Variants in TLK1 observed in about 807,000 individuals in gnomAD.
TLK1 encodes the protein serine/threonine-protein kinase tousled-like 1.
TLK1 carries 24 observed loss-of-function variants against 105.3 expected under a neutral mutation model. The observed-to-expected ratio is 0.23, with a 90% CI of 0.17 to 0.32. The LOEUF (loss-of-function observed/expected upper bound fraction) is 0.32, where lower values mean the gene tolerates loss of function less well. TLK1 is among the 10% of genes least tolerant of loss of function. The pLI is 1.00. For missense variants in TLK1, 558 were observed against 910.5 expected, an observed-to-expected ratio of 0.61 and a Z score of 4.98; for synonymous variants, 321 against 310.4, an observed-to-expected ratio of 1.03 and a Z score of -0.36.
chr2:171,193,700 A>ATTT (rs35175399), intron 1 of TLK1, among the ~76,000 whole-genome samples: 44 of 64,620 alleles, frequency 6.8e-4, no homozygotes, highest in East Asian at 1.7e-3. Context: ...AGCGCCTGGC[A>ATTT]TTTTTTTTTT....
At chr2:171,101,240 G>A (rs1044962090) in intron 2 of TLK1, among the ~76,000 whole-genome samples, 1 of 150,862 alleles carries the variant, frequency 6.6e-6, no homozygotes, top group African/African-American at 2.4e-5. Flanking sequence ...CAGCTACTCA[G>A]GAGGCTGAGG....
intron 1 of TLK1, among the ~76,000 whole-genome samples, chr2:171,158,114 C>T (rs1162677898): frequency 6.6e-6 from 1 of 152,180 alleles, no homozygotes; most frequent in Non-Finnish European, 1.5e-5. Context: ...GCTTCATATT[C>T]CTGTTAGCGT....
chr2:170,998,112 C>G (rs1175521949), intron 18 of TLK1, among the ~76,000 whole-genome samples: 7 of 151,598 alleles, frequency 4.6e-5, no homozygotes, highest in Non-Finnish European at 1.5e-5. Flanking sequence ...CTACCTACCA[C>G]CTACCTACCT....
intron 12 of TLK1, among the ~76,000 whole-genome samples, chr2:171,016,205 G>A (rs960311631): frequency 1.3e-5 from 2 of 152,168 alleles, no homozygotes; most frequent in Admixed American, 1.3e-4. Flanking sequence ...GCAGTGGCAT[G>A]ATCACAGTTC....
chr2:171,034,556 C>T (rs993496667), intron 11 of TLK1, among the ~76,000 whole-genome samples: 4 of 151,878 alleles, frequency 2.6e-5, no homozygotes, highest in Admixed American at 1.3e-4. Flanking sequence ...GAAAGAAAAC[C>T]GATTATTTGC....
chr2:170,997,241 T>C (rs1398403215), intron 19 of TLK1, among the ~76,000 whole-genome samples: 1 of 152,152 alleles, frequency 6.6e-6, no homozygotes, highest in Admixed American at 6.5e-5. Flanking sequence ...GGGTGGGATG[T>C]GGGCTAGTTA....
chr2:171,028,473 T>C, intron 11 of TLK1, 68 bp from the exon 12 acceptor site: 2 of 1,093,298 alleles, frequency 1.8e-6, no homozygotes, highest in Non-Finnish European at 2.7e-6. Context: ...ACTAGCAAAA[T>C]ATAAAAATCA....
intron 2 of TLK1, among the ~76,000 whole-genome samples, chr2:171,101,205 A>C (rs1264990376): frequency 2.0e-5 from 3 of 151,776 alleles, no homozygotes; most frequent in African/African-American, 7.3e-5. Context: ...AATTAGCCAG[A>C]AGTGGTGGTA....
intron 2 of TLK1, among the ~76,000 whole-genome samples, chr2:171,117,038 C>A (rs182841438): frequency 6.6e-6 from 1 of 152,138 alleles, no homozygotes; most frequent in African/African-American, 2.4e-5. Flanking sequence ...CACTGAAAGG[C>A]TGAACACAGC....
At chr2:171,145,055 TC>T (rs2105584922) in intron 1 of TLK1, among the ~76,000 whole-genome samples, 1 of 152,218 alleles carries the variant, frequency 6.6e-6, no homozygotes, top group Non-Finnish European at 1.5e-5. Context: ...ACACCTATAA[TC>T]CCAGCACTTT....
rs545569712 is a variant in TLK1 at position 171,170,697 on chromosome 2, T to C, written c.-5-52840A>G. On this transcript the variant is annotated intron_variant, in intron 1 of 20. Coordinates refer to the TLK1 transcript ENST00000521943. ...GCAGGGAGCGTAGCTGCCCCATAAG[T>C]TGGCACCAGACTTTGCATGTAGAGA... Among the ~76,000 whole-genome samples, 4 of 152,370 alleles carry C rather than the reference T, an allele frequency of 2.6e-5. 1 individual carries two copies. Among genetic ancestry groups the C allele is most frequent in the African/African-American group, 9.6e-5 (4 of 41,594 alleles).
intron 1 of TLK1, among the ~76,000 whole-genome samples, chr2:171,227,904 G>A (rs899505044): frequency 6.6e-5 from 10 of 152,198 alleles, no homozygotes; most frequent in Non-Finnish European, 1.0e-4. Flanking sequence ...GGCCAGACGC[G>A]GTGGCTCACA....
At chr2:171,118,283 G>T (rs1320109820) in intron 1 of TLK1, among the ~76,000 whole-genome samples, 1 of 151,934 alleles carries the variant, frequency 6.6e-6, no homozygotes, top group East Asian at 1.9e-4. Context: ...ATGGACCATG[G>T]GTCCATAGTT....
chr2:171,080,709 C>CTT (rs1294233851), intron 3 of TLK1, among the ~76,000 whole-genome samples: 5 of 144,350 alleles, frequency 3.5e-5, no homozygotes, highest in African/African-American at 2.5e-5. Context: ...AAAGATTTTT[C>CTT]TTTTTTTTTT....
At chr2:171,056,201 G>C (rs1687492892) in intron 6 of TLK1, among the ~76,000 whole-genome samples, 1 of 151,992 alleles carries the variant, frequency 6.6e-6, no homozygotes. Flanking sequence ...TAGTCCCACA[G>C]ACTCAACAGG....
chr2:171,006,161 C>T lies in TLK1; in HGVS notation c.1890G>A (p.Gly630=). The T allele has an allele frequency of 6.3e-7, 1 of 1,594,464 alleles. No individual in the cohort carries two copies. The highest frequency in any genetic ancestry group is 8.5e-7 in the Non-Finnish European group (1 of 1,171,716). The change falls in exon 18 of 21, where the codon GGG becomes GGA. Residue 630 remains glycine (G), a synonymous_variant. Coordinates refer to ENST00000431350, the MANE Select transcript of TLK1 (RefSeq NM_012290.5). ...AATACACTTACCAGTAAGTGCCTGC[C>T]CCCTGGGAAGTTAGATCCATTCCAT... The part of the protein sequence containing the change: ...GVDGMDLTSQ[G]AGTYWYLPPE...
intron 1 of TLK1, among the ~76,000 whole-genome samples, chr2:171,171,926 C>G (rs1223961851): frequency 1.3e-5 from 2 of 152,028 alleles, no homozygotes; most frequent in Non-Finnish European, 2.9e-5. Flanking sequence ...AGGTATATAC[C>G]CAACAAAAAT....
At chr2:171,017,292 C>T (rs1685254672) in intron 12 of TLK1, among the ~76,000 whole-genome samples, 1 of 152,172 alleles carries the variant, frequency 6.6e-6, no homozygotes, top group Non-Finnish European at 1.5e-5. Flanking sequence ...ATGACTCTTT[C>T]CCTTCATGTT....
intron 1 of TLK1, among the ~76,000 whole-genome samples, chr2:171,125,301 T>C (rs951915464): frequency 6.6e-6 from 1 of 152,230 alleles, no homozygotes; most frequent in African/African-American, 2.4e-5. Context: ...GTCTAGTTAC[T>C]TTCATGTATA....
Sources: allele counts gnomAD v4.1 joint callset (sites outside exome capture counted in the v4.1 genomes callset), GRCh38; gene constraint gnomAD v4.1.1; transcripts MANE v1.5; gene names NCBI Gene and HGNC (gene_info 2026-07-23, HGNC 2026-07-21).